The following NBPF8 variants were observed in gnomAD, a reference collection of about 807,000 sequenced individuals.
NBPF8 encodes the protein NBPF family member NBPF8.
chr1:120,453,574 C>T, intron 14 of NBPF8, 130 bp downstream of exon 12: 1 of 910,784 alleles, frequency 1.1e-6, no homozygotes. Flanking sequence ...TGAAATATAA[C>T]CCAGCTTAGA....
upstream of NBPF8, among the ~76,000 whole-genome samples, chr1:120,434,628 A>C (rs1326782795): frequency 6.6e-6 from 1 of 151,786 alleles, no homozygotes; most frequent in East Asian, 1.9e-4. Context: ...TAAATGTTTT[A>C]AAAACAGACA....
chr1:120,418,824 A>T (rs1316486544), upstream of NBPF8, among the ~76,000 whole-genome samples: 6 of 151,024 alleles, frequency 4.0e-5, no homozygotes, highest in African/African-American at 1.5e-4. Context: ...TTGGGATTAC[A>T]GGCATAAGCC....
chr1:120,459,171 C>T (rs1553249917), intron 16 of NBPF8, among the ~76,000 whole-genome samples, 196 bp from the exon 15 acceptor site: 1 of 127,694 alleles, frequency 7.8e-6, no homozygotes, highest in Admixed American at 8.4e-5. Context: ...CACATGCTGC[C>T]CATTTTTGCT....
intron 24 of NBPF8, among the ~76,000 whole-genome samples, chr1:120,465,731 A>T (rs1413049903): frequency 7.0e-6 from 1 of 141,980 alleles, no homozygotes; most frequent in African/African-American, 2.6e-5. Context: ...CAGTATGTCA[A>T]CTGGCCAATT....
At chr1:120,464,618 A>C in intron 23 of NBPF8, 70 bp downstream of exon 21, 2 of 781,136 alleles carry the variant, frequency 2.6e-6, no homozygotes, top group Non-Finnish European at 4.7e-6. Flanking sequence ...TTCCTGCTCC[A>C]AGTGGCCATT....
At chr1:120,420,875 C>T (rs1444013274) in intron 1 of NBPF8, among the ~76,000 whole-genome samples, 1 of 147,902 alleles carries the variant, frequency 6.8e-6, no homozygotes, top group Non-Finnish European at 1.5e-5. Context: ...CCACTGCAGG[C>T]ATTGAGAGGG....
At chr1:120,468,505 G>C (rs1257993812), downstream of NBPF8, among the ~76,000 whole-genome samples, 2 of 147,062 alleles carry the variant, frequency 1.4e-5, no homozygotes, top group African/African-American at 5.2e-5. Flanking sequence ...CCTCCTTGGG[G>C]GACATACATG....
At chr1:120,428,189 G>T (rs1190700595) in intron 3 of NBPF8, among the ~76,000 whole-genome samples, 4 of 152,142 alleles carry the variant, frequency 2.6e-5, no homozygotes, top group South Asian at 4.1e-4. Flanking sequence ...TGAGCAAACA[G>T]GTGGCCATGA....
intron 1 of NBPF8, among the ~76,000 whole-genome samples, chr1:120,425,175 G>A (rs1348807120): frequency 3.9e-5 from 6 of 152,044 alleles, no homozygotes; most frequent in African/African-American, 9.7e-5. Flanking sequence ...ACCCGTAAAG[G>A]GTCTGTGCTG....
chr1:120,469,151 C>T (rs1468343759), downstream of NBPF8, among the ~76,000 whole-genome samples: 1 of 82,532 alleles, frequency 1.2e-5, no homozygotes, highest in Admixed American at 1.3e-4. Context: ...TCACCAATCT[C>T]GTGGCTGAAC....
exon 15 of NBPF8, chr1:120,454,088 G>A: frequency 6.2e-7 from 1 of 1,613,116 alleles, no homozygotes; most frequent in Non-Finnish European, 8.5e-7. Flanking sequence ...CATGTTGAAT[G>A]GGAGGATGCT....
intron 16 of NBPF8, among the ~76,000 whole-genome samples, chr1:120,456,259 G>T (rs1411729049): frequency 1.3e-5 from 2 of 151,074 alleles, no homozygotes; most frequent in East Asian, 1.9e-4. Context: ...GGGGTGGAGG[G>T]TTCTGTAGAT....
At chr1:120,415,972 CCTATCTT>C (rs1191910456), upstream of NBPF8, among the ~76,000 whole-genome samples, 1 of 152,294 alleles carries the variant, frequency 6.6e-6, no homozygotes, top group East Asian at 1.9e-4. Context: ...TTGCTTTCCT[CCTATCTT>C]TTGCTGCTAG....
Position 120,460,641 on chromosome 1 carries a change from G to A in NBPF8, n.2836+17G>A. ...AGGTCCCAGGTGAGTCTGAGAAATT[G>A]TGGACAGTTAATTTGATGTTGACAC... On this transcript the variant is annotated intron_variant and non_coding_transcript_variant, in intron 18 of 24. Coordinates refer to ENST00000583271, the Ensembl canonical transcript of NBPF8. The A allele has an allele frequency of 8.6e-7, 1 of 1,160,310 alleles. No homozygotes were observed. The highest frequency in any genetic ancestry group is 1.3e-6 in the Non-Finnish European group (1 of 779,870). 71.9% of individuals were successfully genotyped at this position (1,160,310 alleles called of 1,614,324 possible).
chr1:120,428,429 CA>C (rs1660782328), intron 3 of NBPF8, among the ~76,000 whole-genome samples: 1 of 152,164 alleles, frequency 6.6e-6, no homozygotes, highest in South Asian at 2.1e-4. Context: ...TTTCAACCTA[CA>C]GGGGAGATAG....
chr1:120,460,517 C>G (rs1273917771), intron 17 of NBPF8, 56 bp from the exon 16 acceptor site: 1 of 971,754 alleles, frequency 1.0e-6, no homozygotes, highest in Non-Finnish European at 1.6e-6. Flanking sequence ...AGGAATGTTT[C>G]TGTGTGCAAG....
intron 20 of NBPF8, among the ~76,000 whole-genome samples, chr1:120,462,469 C>T (rs1464171484): frequency 1.4e-5 from 2 of 138,248 alleles, no homozygotes; most frequent in African/African-American, 2.7e-5. Flanking sequence ...TTATTGAGCC[C>T]ACTCTTTTCA....
At chr1:120,415,833 T>C (rs1553245112), upstream of NBPF8, among the ~76,000 whole-genome samples, 249 of 152,200 alleles carry the variant, frequency 1.6e-3, 2 homozygotes, top group Non-Finnish European at 3.0e-3. Flanking sequence ...GTAGGTTGGA[T>C]TGTGGGGTTG....
chr1:120,436,613 A>T (rs1372947459), exon 1 of NBPF8: 9 of 1,603,208 alleles, frequency 5.6e-6, no homozygotes, highest in Non-Finnish European at 7.6e-6. Flanking sequence ...GTTGGCAGAG[A>T]ACAAACAGCA....
Sources: gnomAD v4.1 joint callset for allele counts (sites outside exome capture counted in the v4.1 genomes callset) on GRCh38, gnomAD v4.1.1 for gene constraint, MANE v1.5 for transcripts, NCBI Gene and HGNC (gene_info 2026-07-23, HGNC 2026-07-21) for gene names.